The following RSPH9 variants were observed in gnomAD, a reference collection of about 807,000 sequenced individuals.
RSPH9 encodes the protein radial spoke head protein 9 homolog.
Under a neutral mutation model 27.0 loss-of-function variants are expected in RSPH9, and 27 were observed. That is an observed-to-expected ratio of 1.00 (90% CI 0.74 to 1.38). RSPH9 has a LOEUF of 1.38. RSPH9 is among the 40% of genes most tolerant of loss of function. The pLI, the probability that RSPH9 is intolerant of heterozygous loss-of-function variation, is 0.00. For missense variants in RSPH9, 347 were observed against 357.4 expected (o/e 0.97, Z 0.24); for synonymous variants, 145 against 147.7 (o/e 0.98, Z 0.13).
intron 3 of RSPH9, 88 bp from the exon 4 acceptor site, chr6:43,656,489 G>T: frequency 6.9e-7 from 1 of 1,454,918 alleles, no homozygotes. Context: ...TCTTTTGTAA[G>T]CCCTACCATG....
At chr6:43,650,563 G>C (rs372188063) in intron 2 of RSPH9, 23 bp downstream of exon 2, 189 of 1,613,534 alleles carry the variant, frequency 1.2e-4, no homozygotes, top group Non-Finnish European at 1.5e-4. Flanking sequence ...GAGAGCAGGA[G>C]GAGGGCCTAA....
chr6:43,658,645 A>G (rs1018608931), intron 4 of RSPH9, among the ~76,000 whole-genome samples: 5 of 151,768 alleles, frequency 3.3e-5, no homozygotes, highest in African/African-American at 1.2e-4. Context: ...GATTCATGCC[A>G]TTTTTCCTGC....
intron 1 of RSPH9, 54 bp downstream of exon 1, chr6:43,645,379 C>A: frequency 2.7e-5 from 3 of 110,262 alleles, no homozygotes; most frequent in South Asian, 4.5e-5. Flanking sequence ...GGAGGCAGGG[C>A]GGGGTGGGCG....
At chr6:43,659,059 C>T (rs1050659113) in intron 4 of RSPH9, among the ~76,000 whole-genome samples, 50 of 152,264 alleles carry the variant, frequency 3.3e-4, no homozygotes, top group Non-Finnish European at 1.9e-4. Flanking sequence ...GAGTGGCTTC[C>T]GTCTTAAGAA....
Position 43,655,771 on chromosome 6 carries a change from A to C in RSPH9, c.523+80A>C, listed in dbSNP as rs1771940567. On this transcript the variant is annotated intron_variant, in intron 3 of 4. Transcript: ENST00000372163. ...TAGAACATATGTCTGGGAGTCCAGCAGGGGGGCTTACACACTTTATCAGAG... is the reference window on the plus strand; with the variant it reads ...TAGAACATATGTCTGGGAGTCCAGCCGGGGGGCTTACACACTTTATCAGAG... 9.9e-6 allele frequency: 15 copies of C among 1,517,660 alleles called. No individual in the cohort carries two copies. The South Asian group carries it at 1.6e-4, about 16-fold the overall frequency. The allele number at this position is 1,517,660 out of a possible 1,614,324, so 94.0% of individuals were successfully genotyped here.
At chr6:43,658,311 G>GAAAAAA (rs1272673497) in intron 4 of RSPH9, among the ~76,000 whole-genome samples, 2 of 101,106 alleles carry the variant, frequency 2.0e-5, no homozygotes, top group Non-Finnish European at 4.2e-5. Flanking sequence ...AAAAAAAAAA[G>GAAAAAA]AAAAAAAAAA....
rs1470040084 is a variant in RSPH9, at chr6:43,645,153, G to C, written c.55G>C (p.Gly19Arg). ...SLELASGSGQ[G>R]LSPDRRASLL... ...GGAGCTGGCGTCCGGCAGTGGGCAGGGCCTCAGCCCGGACCGTCGGGCCTC... is the reference window on the plus strand; with the variant it reads ...GGAGCTGGCGTCCGGCAGTGGGCAGCGCCTCAGCCCGGACCGTCGGGCCTC... Residue 19 changes from glycine (G) to arginine (R), a missense_variant, in exon 1 of 5, where the codon GGC (glycine) becomes CGC (arginine). Coordinates refer to ENST00000372163, the MANE Select transcript of RSPH9 (RefSeq NM_152732.5). 1 of 1,613,394 alleles carries C rather than the reference G, an allele frequency of 6.2e-7. No individual in the cohort carries two copies. The highest frequency in any genetic ancestry group is 8.5e-7 in the Non-Finnish European group (1 of 1,180,010).
At chr6:43,667,512 C>T (rs992120631) in intron 4 of RSPH9, among the ~76,000 whole-genome samples, 17 of 152,072 alleles carry the variant, frequency 1.1e-4, no homozygotes, top group Admixed American at 7.9e-4. Flanking sequence ...CGGGCATGGG[C>T]GCGGGGGGGA....
intron 1 of RSPH9, 54 bp downstream of exon 1, chr6:43,645,379 C>T (rs975812835): frequency 1.8e-5 from 2 of 110,260 alleles, no homozygotes; most frequent in South Asian, 4.5e-5. Context: ...GGAGGCAGGG[C>T]GGGGTGGGCG....
rs1006202353 is a variant in RSPH9, at chr6:43,645,592, C to A, written c.227+267C>A. Among the ~76,000 whole-genome samples, 3 of 125,836 alleles carry A rather than the reference C, an allele frequency of 2.4e-5. No individual in the cohort carries two copies. In the South Asian group the frequency reaches 6.9e-4, roughly 29 times the overall value. The allele number at this position is 125,836 out of a possible 152,430, so 82.6% of individuals were successfully genotyped here. A position where few individuals can be genotyped will look rare whatever the true frequency, so the allele number is the denominator to read the frequency against. ...GGGCGGGGCAATGGACGGGCGATGT[C>A]CCCCGGAGGGCGGGGCCTTGCGAGA... On this transcript the variant is annotated intron_variant, in intron 1 of 4. Transcript: ENST00000372163.
At position 43,672,078 on chromosome 6, in the gene RSPH9, GTA is replaced by G; in HGVS notation, c.*1130_*1131del. The G allele has an allele frequency of 1.3e-6, 1 of 771,850 alleles. No individual in the cohort carries two copies. The highest frequency in any genetic ancestry group is 3.7e-4 in the Middle Eastern group (1 of 2,716). 47.8% of individuals were successfully genotyped at this position (771,850 alleles called of 1,614,324 possible). On this transcript the variant is annotated 3_prime_UTR_variant, in exon 5 of 5. Transcript: ENST00000372163. ...CCTGGGAGTAACTGCTGAGCGTCCT[GTA>G]AACAGATGGGCTGGGCTCTTGCTGC...
intron 4 of RSPH9, among the ~76,000 whole-genome samples, chr6:43,667,637 C>T (rs1478671018): frequency 6.6e-6 from 1 of 152,206 alleles, no homozygotes; most frequent in Non-Finnish European, 1.5e-5. Flanking sequence ...CGGGGCCTGC[C>T]TTTGCTACTC....
chr6:43,665,844 G>A (rs951473880), intron 4 of RSPH9, among the ~76,000 whole-genome samples: 2 of 151,568 alleles, frequency 1.3e-5, no homozygotes, highest in African/African-American at 4.9e-5. Flanking sequence ...AATTTGACAG[G>A]GTCTCACTCT....
intron 4 of RSPH9, among the ~76,000 whole-genome samples, chr6:43,668,100 G>A (rs551847251): frequency 6.6e-6 from 1 of 152,142 alleles, no homozygotes; most frequent in African/African-American, 2.4e-5. Context: ...GGGGGCAGGA[G>A]GGATTTGGGG....
Position 43,671,615 on chromosome 6 carries a change from T to A in RSPH9, c.*666T>A, listed in dbSNP as rs574485444. On this transcript the variant is annotated 3_prime_UTR_variant, in exon 5 of 5. Transcript: ENST00000372163. Reference sequence around the variant, plus strand: ...TGCAGGCCAAGGGTACTGAAGTTAGTCCCACTGTCCCCTGTCCATGCATGT... The same window carrying A: ...TGCAGGCCAAGGGTACTGAAGTTAGACCCACTGTCCCCTGTCCATGCATGT... The A allele has an allele frequency of 6.6e-6, 6 of 905,920 alleles. No homozygotes were observed. The East Asian group carries it at 1.5e-4, about 23-fold the overall frequency. The allele number at this position is 905,920 out of a possible 1,614,324, so 56.1% of individuals were successfully genotyped here. A position where few individuals can be genotyped will look rare whatever the true frequency, so the allele number is the denominator to read the frequency against.
At chr6:43,648,381 A>C (rs1420925070) in intron 1 of RSPH9, among the ~76,000 whole-genome samples, 1 of 152,222 alleles carries the variant, frequency 6.6e-6, no homozygotes, top group Non-Finnish European at 1.5e-5. Flanking sequence ...TGAGAGAGTG[A>C]GCTATGTAAA....
chr6:43,672,111 G>A lies in RSPH9; in HGVS notation c.*1162G>A, dbSNP rs187982788. On this transcript the variant is annotated 3_prime_UTR_variant, in exon 5 of 5. Transcript: ENST00000372163. ...ATGGGCTGGGCTCTTGCTGCCGCAA[G>A]CCTGTGTGGCCAGGTTCAGGCAGCC... The A allele has an allele frequency of 1.3e-3, 842 of 636,086 alleles. 15 individuals carry two copies. The highest frequency in any genetic ancestry group is 0.011 in the South Asian group (550 of 49,754). The allele number at this position is 636,086 out of a possible 1,614,324, so 39.4% of individuals were successfully genotyped here.
chr6:43,655,584 G>T lies in RSPH9; in HGVS notation c.416G>T (p.Arg139Leu), dbSNP rs142363099. Residue 139 changes from arginine (R) to leucine (L), a missense_variant, in exon 3 of 5, where the codon CGC (arginine) becomes CTC (leucine). Transcript: ENST00000372163. ...CAGGTCCAGATCAAGGAAGAGACCC[G>T]CTTGGTGTCTGTCATTGACCAGATT... Reference protein sequence around the residue: ...EIVVQIKEETRLVSVIDQIDK... With the variant: ...EIVVQIKEETLLVSVIDQIDK... 1 of 1,614,102 alleles carries T rather than the reference G, an allele frequency of 6.2e-7. No individual in the cohort carries two copies. The highest frequency in any genetic ancestry group is 8.5e-7 in the Non-Finnish European group (1 of 1,179,998).
intron 4 of RSPH9, among the ~76,000 whole-genome samples, chr6:43,664,512 C>G (rs1324519015): frequency 2.0e-5 from 3 of 152,190 alleles, no homozygotes; most frequent in Non-Finnish European, 2.9e-5. Flanking sequence ...AGGTCTGTGA[C>G]AATAAGGCAG....
Sources: allele counts gnomAD v4.1 joint callset (sites outside exome capture counted in the v4.1 genomes callset), GRCh38; gene constraint gnomAD v4.1.1; transcripts MANE v1.5; gene names NCBI Gene and HGNC (gene_info 2026-07-23, HGNC 2026-07-21).